Variants in NFIA observed in about 807,000 individuals in gnomAD.
NFIA encodes nuclear factor 1 A-type.
In NFIA, 8 loss-of-function variants were observed where a neutral mutation model predicts 62.8. That is an observed-to-expected ratio of 0.13 (90% CI 0.07 to 0.23). The LOEUF (loss-of-function observed/expected upper bound fraction) is 0.23, where lower values mean the gene tolerates loss of function less well. Among genes scored for constraint, NFIA ranks in the 10% least tolerant of loss-of-function variants. The probability of loss-of-function intolerance (pLI) is 1.00; values close to 1 mark genes in which losing one functional copy is unlikely to be tolerated. For synonymous variants in NFIA, 235 were observed against 238.1 expected (o/e 0.99, Z 0.12); for missense variants, 410 against 642.1 (o/e 0.64, Z 3.91).
chr1:61,224,445 A>G (rs939460305), intron 2 of NFIA, among the ~76,000 whole-genome samples: 1 of 150,428 alleles, frequency 6.6e-6, no homozygotes, highest in East Asian at 1.9e-4. Flanking sequence ...AGCCAAATTT[A>G]TTTGTCAGTG....
At chr1:61,199,495 CT>C (rs1346883460) in intron 2 of NFIA, among the ~76,000 whole-genome samples, 1 of 152,136 alleles carries the variant, frequency 6.6e-6, no homozygotes, top group Admixed American at 6.5e-5. Context: ...CATTTCCAAT[CT>C]TATGTACCGT....
Position 61,355,882 on chromosome 1 carries a change from C to T in NFIA, c.819-3265C>T, listed in dbSNP as rs367608125. Among the ~76,000 whole-genome samples the T allele has an allele frequency of 3.1e-4, 47 of 152,326 alleles. 1 individual carries two copies. The South Asian group carries it at 9.5e-3, about 31-fold the overall frequency. The stretch of plus-strand genomic sequence containing the variant: ...GAATTATAGGTGTGAGCCACCATGC[C>T]CAGCCCTCTTTTGTCAACTTCTGAA... On this transcript the variant is annotated intron_variant, in intron 5 of 10. Transcript: ENST00000403491.
At chr1:61,176,444 A>G (rs995183615) in intron 2 of NFIA, among the ~76,000 whole-genome samples, 4 of 152,202 alleles carry the variant, frequency 2.6e-5, no homozygotes, top group African/African-American at 9.7e-5. Context: ...CAGATGTTTT[A>G]CAGGATAGAA....
intron 2 of NFIA, among the ~76,000 whole-genome samples, chr1:61,185,708 G>A (rs889200889): frequency 6.9e-6 from 1 of 144,990 alleles, no homozygotes; most frequent in Non-Finnish European, 1.5e-5. Flanking sequence ...TCAGTTTTCA[G>A]AACCTGCCAT....
chr1:61,176,484 C>T (rs982266831), intron 2 of NFIA, among the ~76,000 whole-genome samples: 1 of 152,010 alleles, frequency 6.6e-6, no homozygotes, highest in African/African-American at 2.4e-5. Context: ...TTTAGCGTAC[C>T]AGAAGATAAA....
At chr1:61,134,829 T>C (rs1239088949) in intron 2 of NFIA, among the ~76,000 whole-genome samples, 1 of 152,042 alleles carries the variant, frequency 6.6e-6, no homozygotes, top group Non-Finnish European at 1.5e-5. Flanking sequence ...GTCTCTATTA[T>C]CATAAATAAA....
At chr1:61,291,378 A>G (rs948524615) in intron 3 of NFIA, among the ~76,000 whole-genome samples, 1 of 151,900 alleles carries the variant, frequency 6.6e-6, no homozygotes, top group Non-Finnish European at 1.5e-5. Flanking sequence ...AGATTCTAAC[A>G]AAGTTTCATA....
At chr1:61,137,081 G>A (rs1026446466) in intron 2 of NFIA, among the ~76,000 whole-genome samples, 6 of 152,146 alleles carry the variant, frequency 3.9e-5, no homozygotes, top group South Asian at 2.1e-4. Flanking sequence ...TATTGTGTGC[G>A]TAATCTTATG....
At position 61,397,728 on chromosome 1, in the gene NFIA, G is replaced by A. The variant is rs1364958879; in HGVS notation, c.1076-6376G>A. Among the ~76,000 whole-genome samples, 7 of 152,174 alleles carry A rather than the reference G, an allele frequency of 4.6e-5. No homozygotes were observed. The East Asian group carries it at 5.8e-4, about 13-fold the overall frequency. ...AGCTCAGCAACCTGAAGCATAGCTC[G>A]TGATAGAGCTTAGAATTTAAACTCA... On this transcript the variant is annotated intron_variant, in intron 7 of 10. Coordinates refer to ENST00000403491, the MANE Select transcript of NFIA (RefSeq NM_001134673.4).
intron 2 of NFIA, among the ~76,000 whole-genome samples, chr1:61,268,059 C>A (rs143795195): frequency 6.6e-6 from 1 of 152,234 alleles, no homozygotes; most frequent in East Asian, 1.9e-4. Flanking sequence ...CTGCAGAATC[C>A]CAGACTTGTC....
At chr1:61,124,251 G>A (rs1646933120) in intron 2 of NFIA, among the ~76,000 whole-genome samples, 1 of 152,164 alleles carries the variant, frequency 6.6e-6, no homozygotes, top group South Asian at 2.1e-4. Flanking sequence ...CATTTATTGA[G>A]GCAAATGTGA....
chr1:61,118,269 C>T (rs563017107), intron 2 of NFIA, among the ~76,000 whole-genome samples: 20 of 151,862 alleles, frequency 1.3e-4, no homozygotes, highest in Non-Finnish European at 2.6e-4. Flanking sequence ...TCAGAATCAG[C>T]ATGATCACTT....
chr1:61,460,567 G>A lies in NFIA; in HGVS notation c.*5247G>A, dbSNP rs1202072058. On this transcript the variant is annotated 3_prime_UTR_variant, in exon 11 of 11. Coordinates refer to ENST00000403491, the MANE Select transcript of NFIA (RefSeq NM_001134673.4). ...GAAGAAAAAAACTATATCAACTTTGGTATCTACTTTCCGTTTACTTCAATC... is the reference window on the plus strand; with the variant it reads ...GAAGAAAAAAACTATATCAACTTTGATATCTACTTTCCGTTTACTTCAATC... 1.3e-5 allele frequency: 2 copies of A among 152,158 alleles called. No individual in the cohort carries two copies. Among genetic ancestry groups the A allele is most frequent in the African/African-American group, 2.4e-5 (1 of 41,444 alleles). The allele number at this position is 152,158 out of a possible 1,614,324, so 9.4% of individuals were successfully genotyped here. A position where few individuals can be genotyped will look rare whatever the true frequency, so the allele number is the denominator to read the frequency against.
At position 61,264,740 on chromosome 1, in the gene NFIA, C is replaced by T. The variant is rs1042439956; in HGVS notation, c.560-12780C>T. Among the ~76,000 whole-genome samples the T allele has an allele frequency of 6.0e-5, 9 of 148,934 alleles. No homozygotes were observed. The East Asian group carries it at 7.9e-4, about 13-fold the overall frequency. Reference sequence around the variant, plus strand: ...ACACAAACTATTAGTAGTCCTTATACGAAGACAATTTAATTTTGGGATTAT... The same window carrying T: ...ACACAAACTATTAGTAGTCCTTATATGAAGACAATTTAATTTTGGGATTAT... On this transcript the variant is annotated intron_variant, in intron 2 of 10. Transcript: ENST00000403491.
intron 9 of NFIA, among the ~76,000 whole-genome samples, chr1:61,414,260 G>T (rs1666253550): frequency 6.6e-6 from 1 of 152,186 alleles, no homozygotes. Flanking sequence ...TGGGATTATA[G>T]GCATTAGCCA....
At chr1:61,390,347 C>T (rs1320114464) in intron 7 of NFIA, among the ~76,000 whole-genome samples, 3 of 151,844 alleles carry the variant, frequency 2.0e-5, no homozygotes, top group Admixed American at 1.3e-4. Context: ...AAAAAATACA[C>T]GATGGGAGTT....
intron 2 of NFIA, among the ~76,000 whole-genome samples, chr1:61,269,706 G>C (rs1657393518): frequency 6.6e-6 from 1 of 152,190 alleles, no homozygotes; most frequent in Non-Finnish European, 1.5e-5. Context: ...AGTCTGCTTA[G>C]AATAAAGAGC....
chr1:61,247,509 G>A (rs1368628357), intron 2 of NFIA, among the ~76,000 whole-genome samples: 1 of 152,200 alleles, frequency 6.6e-6, no homozygotes, highest in Non-Finnish European at 1.5e-5. Flanking sequence ...TGTCATGCAG[G>A]CCTTGTGACA....
At chr1:61,404,583 T>G (rs770089897) in intron 8 of NFIA, among the ~76,000 whole-genome samples, 4 of 152,242 alleles carry the variant, frequency 2.6e-5, no homozygotes, top group Non-Finnish European at 4.4e-5. Flanking sequence ...TCGTGCATTC[T>G]AACCCCAGGG....
Sources: allele counts gnomAD v4.1 joint callset (sites outside exome capture counted in the v4.1 genomes callset), GRCh38; gene constraint gnomAD v4.1.1; transcripts MANE v1.5; gene names NCBI Gene and HGNC (gene_info 2026-07-23, HGNC 2026-07-21).